The following FAM161A variants were observed in gnomAD, a reference collection of about 807,000 sequenced individuals.
The protein encoded by FAM161A is FAM161 centrosomal protein A, also known as protein FAM161A.
In FAM161A, 57 loss-of-function variants were observed where a neutral mutation model predicts 70.9. That is an observed-to-expected ratio of 0.80 (90% CI 0.65 to 1.00). FAM161A has a LOEUF of 1.00. Among genes scored for constraint, FAM161A ranks in the 50% least tolerant of loss-of-function variants. The pLI, the probability that FAM161A is intolerant of heterozygous loss-of-function variation, is 0.00. For missense variants in FAM161A, 880 were observed against 836.0 expected (o/e 1.05, Z -0.65); for synonymous variants, 299 against 295.7 (o/e 1.01, Z -0.12).
chr2:61,837,240 T>C (rs1672807785), intron 4 of FAM161A, among the ~76,000 whole-genome samples: 1 of 151,922 alleles, frequency 6.6e-6, no homozygotes, highest in East Asian at 1.9e-4. Flanking sequence ...TGGGAGCAAG[T>C]CAAAGGAGAA....
rs1228175987 is a variant in FAM161A at position 61,826,339 on chromosome 2, T to C, written c.*116A>G. The C allele has an allele frequency of 3.1e-5, 36 of 1,154,020 alleles. No individual in the cohort carries two copies. Among genetic ancestry groups the C allele is most frequent in the Non-Finnish European group, 4.3e-5 (34 of 783,536 alleles). The allele number at this position is 1,154,020 out of a possible 1,614,324, so 71.5% of individuals were successfully genotyped here. A position where few individuals can be genotyped will look rare whatever the true frequency, so the allele number is the denominator to read the frequency against. On this transcript the variant is annotated 3_prime_UTR_variant, in exon 7 of 7. Coordinates refer to ENST00000404929, the MANE Select transcript of FAM161A (RefSeq NM_001201543.2). ...CTTTTCAGGCTACAGATGACTTTGA[T>C]CAACAGCCCTGCACATATCAGAAGC... is the stretch of plus-strand genomic sequence containing the variant.
At position 61,854,044 on chromosome 2, in the gene FAM161A, C is replaced by G; in HGVS notation, c.-3G>C. The G allele has an allele frequency of 6.2e-7, 1 of 1,602,496 alleles. No homozygotes were observed. Among genetic ancestry groups the G allele is most frequent in the East Asian group, 2.3e-5 (1 of 44,364 alleles). ...GCCACTCGGTGGGAGGTGGCCATCG[C>G]CCCGCCTCCGAGGCCTGAGCGCCTG... On this transcript the variant is annotated 5_prime_UTR_variant, in exon 1 of 7. Coordinates refer to ENST00000404929, the MANE Select transcript of FAM161A (RefSeq NM_001201543.2).
At chr2:61,837,268 A>G (rs1672808375) in intron 4 of FAM161A, among the ~76,000 whole-genome samples, 2 of 152,200 alleles carry the variant, frequency 1.3e-5, no homozygotes, top group South Asian at 4.1e-4. Context: ...GCATGGGAAT[A>G]CAACATAAAG....
intron 5 of FAM161A, among the ~76,000 whole-genome samples, chr2:61,830,195 A>G (rs907726288): frequency 6.6e-6 from 1 of 152,200 alleles, no homozygotes; most frequent in Admixed American, 6.5e-5. Context: ...GGTATAATGA[A>G]TGGTTCTGCA....
At chr2:61,823,074 C>A (rs1365138621), downstream of FAM161A, among the ~76,000 whole-genome samples, 1 of 151,428 alleles carries the variant, frequency 6.6e-6, no homozygotes, top group Non-Finnish European at 1.5e-5. Flanking sequence ...GTGGCTCATG[C>A]CTGTAATCCC....
chr2:61,802,332 A>G, the FAM161A span, among the ~76,000 whole-genome samples: 23 of 152,266 alleles, frequency 1.5e-4, 1 homozygote, highest in South Asian at 4.6e-3. Context: ...CACCTCCAGC[A>G]CCATAGGTAA....
Position 61,839,636 on chromosome 2 carries a change from T to C in FAM161A, c.1368A>G (p.Pro456=), listed in dbSNP as rs1558483269. 1 of 1,614,248 alleles carries C rather than the reference T, an allele frequency of 6.2e-7. No individual in the cohort carries two copies. The highest frequency in any genetic ancestry group is 8.5e-7 in the Non-Finnish European group (1 of 1,180,046). The change falls in exon 3 of 7, where the codon CCA becomes CCG. Residue 456 remains proline (P), a synonymous_variant. Transcript: ENST00000404929. ...CATGTGGAGATGCATGAAGATCAAA[T>C]GGTTTACACACTGTTAAGAGTTTTG... ...KSPKLLTVCK[P]FDLHASPHAS...
chr2:61,839,997 G>C lies in FAM161A; in HGVS notation c.1007C>G (p.Ala336Gly). The change falls in exon 3 of 7, where the codon GCA (alanine) becomes GGA (glycine). Residue 336 changes from alanine to glycine, a missense_variant. Physicochemically the swap from Ala to Gly is moderately conservative, Grantham distance 60 (BLOSUM62 0). Transcript: ENST00000404929. ...GTCTCTCAGCTGCTTTTCCCGGGCT[G>C]CTCGCTTCTGTTCCTCCCTTGCTAT... The part of the protein sequence containing the change: ...KFIAREEQKR[A>G]AREKQLRDFL... The C allele has an allele frequency of 6.2e-7, 1 of 1,614,194 alleles. No individual in the cohort carries two copies. Among genetic ancestry groups the C allele is most frequent in the Non-Finnish European group, 8.5e-7 (1 of 1,180,032 alleles).
In FAM161A at chr2:61,838,624, C is replaced by G. The variant is rs6545910; in HGVS notation, c.1665G>C (p.Leu555Phe). The part of the protein sequence containing the change: ...LTKQKQRMKE[L>F]QKLLTTRAKA... ...TAGCCCGGGTTGTCAGGAGTTTCTG[C>G]AATTCTTTCATTCTTTGCTTCTGTT... Residue 555 changes from leucine to phenylalanine, a missense_variant, in exon 4 of 7, where the codon TTG becomes TTC. Transcript: ENST00000404929. 2 of 1,611,688 alleles carry G rather than the reference C, an allele frequency of 1.2e-6. No homozygotes were observed. The highest frequency in any genetic ancestry group is 1.7e-6 in the Non-Finnish European group (2 of 1,179,370).
chr2:61,822,743 C>T (rs1180901467), downstream of FAM161A, among the ~76,000 whole-genome samples: 2 of 152,074 alleles, frequency 1.3e-5, no homozygotes, highest in African/African-American at 4.8e-5. Flanking sequence ...TATGCTACCA[C>T]ACTTGGCTAA....
At chr2:61,836,294 G>A (rs969849947) in intron 4 of FAM161A, 185 bp from the exon 5 acceptor site, 16 of 564,444 alleles carry the variant, frequency 2.8e-5, no homozygotes, top group East Asian at 9.3e-5. Flanking sequence ...CTTCTATACC[G>A]GTTAATTCTC....
At chr2:61,826,695 C>T in intron 6 of FAM161A, 96 bp from the exon 7 acceptor site, 1 of 1,045,542 alleles carries the variant, frequency 9.6e-7, no homozygotes, top group Non-Finnish European at 1.4e-6. Context: ...AGCCAGTCTT[C>T]CTCAAGTGTA....
rs767300885 is a variant in FAM161A, at chr2:61,840,488, G to A, written c.516C>T (p.Ser172=). Reference sequence around the variant, plus strand: ...GGTTGGGTAACTCCTCTTCAGAGGAGGACACATACAAGGAGGAAGACTGGC... The same window carrying A: ...GGTTGGGTAACTCCTCTTCAGAGGAAGACACATACAAGGAGGAAGACTGGC... ...DLGQSSSLYV[S]SSEEELPNLE... Residue 172 remains serine (S), a synonymous_variant, in exon 3 of 7, where the codon TCC becomes TCT. Transcript: ENST00000404929. 2.5e-6 allele frequency: 4 copies of A among 1,613,716 alleles called. No homozygotes were observed. Among genetic ancestry groups the A allele is most frequent in the Non-Finnish European group, 3.4e-6 (4 of 1,179,830 alleles).
chr2:61,818,217 G>A, the FAM161A span, among the ~76,000 whole-genome samples: 7 of 152,006 alleles, frequency 4.6e-5, no homozygotes, highest in South Asian at 8.3e-4. Flanking sequence ...CACCACGCCC[G>A]GCTAATTTTT....
intron 1 of FAM161A, among the ~76,000 whole-genome samples, chr2:61,849,770 C>T (rs1413621144): frequency 1.4e-5 from 2 of 140,290 alleles, no homozygotes; most frequent in African/African-American, 2.7e-5. Flanking sequence ...GGTGACAGAG[C>T]GAGACTCCAT....
intron 1 of FAM161A, among the ~76,000 whole-genome samples, chr2:61,844,419 C>T (rs1379304662): frequency 6.6e-6 from 1 of 152,018 alleles, no homozygotes; most frequent in African/African-American, 2.4e-5. Context: ...ACCTTTGAGG[C>T]CAGGCACAGT....
intron 5 of FAM161A, among the ~76,000 whole-genome samples, chr2:61,827,609 CA>C (rs71644452): frequency 6.0e-4 from 65 of 107,876 alleles, no homozygotes; most frequent in Middle Eastern, 5.0e-3. Context: ...GACTCTGTCT[CA>C]AAAAAAAAAA....
chr2:61,827,393 G>A (rs1003036045), intron 5 of FAM161A, 135 bp from the exon 6 acceptor site: 5 of 755,162 alleles, frequency 6.6e-6, no homozygotes, highest in African/African-American at 1.7e-5. Flanking sequence ...GGTGGATCAC[G>A]AGGTCAGGAG....
chr2:61,829,683 A>G (rs1019034331), intron 5 of FAM161A, among the ~76,000 whole-genome samples: 2 of 152,152 alleles, frequency 1.3e-5, no homozygotes, highest in Non-Finnish European at 2.9e-5. Flanking sequence ...TATATAAGAC[A>G]TTAAAAAGAC....
Sources: allele counts gnomAD v4.1 joint callset (sites outside exome capture counted in the v4.1 genomes callset), GRCh38; gene constraint gnomAD v4.1.1; transcripts MANE v1.5; gene names NCBI Gene and HGNC (gene_info 2026-07-23, HGNC 2026-07-21).